The following GRIN2B variants were observed in gnomAD, a reference collection of about 807,000 sequenced individuals.
The protein encoded by GRIN2B is glutamate ionotropic receptor NMDA type subunit 2B, also known as glutamate receptor ionotropic, NMDA 2B.
GRIN2B carries 5 observed loss-of-function variants against 114.5 expected under a neutral mutation model. The ratio of observed to expected loss-of-function variants is 0.04; its 90% confidence interval spans 0.02 to 0.09. GRIN2B has a LOEUF of 0.09. GRIN2B is among the 10% of genes least tolerant of loss of function. The pLI, the probability that GRIN2B is intolerant of heterozygous loss-of-function variation, is 1.00. For synonymous variants in GRIN2B, 787 were observed against 745.1 expected (o/e 1.06, Z -0.92); for missense variants, 1,108 against 1,943.5 (o/e 0.57, Z 8.08).
chr12:13,844,193 C>A (rs1053558588), intron 3 of GRIN2B, among the ~76,000 whole-genome samples: 2 of 152,216 alleles, frequency 1.3e-5, no homozygotes, highest in Non-Finnish European at 2.9e-5. Flanking sequence ...AGGTGAGAGG[C>A]TGTAGACTTA....
At chr12:13,832,209 C>G (rs890710927) in intron 3 of GRIN2B, among the ~76,000 whole-genome samples, 1 of 152,136 alleles carries the variant, frequency 6.6e-6, no homozygotes, top group Non-Finnish European at 1.5e-5. Flanking sequence ...AAAGCATGCT[C>G]ATAAATCAAA....
intron 10 of GRIN2B, among the ~76,000 whole-genome samples, chr12:13,604,150 C>A (rs1949205555): frequency 6.6e-6 from 1 of 152,056 alleles, no homozygotes; most frequent in Non-Finnish European, 1.5e-5. Context: ...GTCACTAGCT[C>A]CCTTACACCC....
In GRIN2B at chr12:13,934,356, T is replaced by C. The variant is rs143815137; in HGVS notation, c.-19+45572A>G. Reference sequence around the variant, plus strand: ...TTAGGAAACTATTTGGAAACAGGGTTAGATACTATAGTTTACATATACATT... The same window carrying C: ...TTAGGAAACTATTTGGAAACAGGGTCAGATACTATAGTTTACATATACATT... On this transcript the variant is annotated intron_variant, in intron 2 of 13. Transcript: ENST00000609686. 4.0e-4 allele frequency among the ~76,000 whole-genome samples: 61 copies of C among 152,378 alleles called. No individual in the cohort carries two copies. The East Asian group carries it at 8.5e-3, about 21-fold the overall frequency.
chr12:13,592,085 T>C (rs1949015741), intron 10 of GRIN2B, among the ~76,000 whole-genome samples: 1 of 152,238 alleles, frequency 6.6e-6, no homozygotes, highest in African/African-American at 2.4e-5. Context: ...AAGGAGCTTA[T>C]GATTCAGTGA....
chr12:13,889,035 C>CTT (rs1033575360), intron 2 of GRIN2B, among the ~76,000 whole-genome samples: 34 of 152,288 alleles, frequency 2.2e-4, no homozygotes, highest in African/African-American at 7.9e-4. Context: ...ACTTCTGTCT[C>CTT]TTTTGTAAGA....
chr12:13,881,120 C>G (rs1055624034), intron 2 of GRIN2B, among the ~76,000 whole-genome samples: 9 of 152,186 alleles, frequency 5.9e-5, no homozygotes, highest in Non-Finnish European at 1.3e-4. Context: ...CCTACTCCAT[C>G]CTCTTTGTTC....
chr12:13,607,144 CA>C (rs1269407366), intron 10 of GRIN2B, among the ~76,000 whole-genome samples: 3 of 87,482 alleles, frequency 3.4e-5, no homozygotes, highest in African/African-American at 9.4e-5. Context: ...ACCATGCACT[CA>C]AAAAAAATAT....
chr12:13,607,787 T>C (rs939931530), intron 10 of GRIN2B, among the ~76,000 whole-genome samples: 1 of 151,538 alleles, frequency 6.6e-6, no homozygotes, highest in Non-Finnish European at 1.5e-5. Flanking sequence ...AGTAGAAAAT[T>C]TGTTGTAAGC....
chr12:13,604,695 C>T (rs569521564), intron 10 of GRIN2B, among the ~76,000 whole-genome samples: 259 of 152,234 alleles, frequency 1.7e-3, no homozygotes, highest in Middle Eastern at 6.8e-3. Flanking sequence ...CATACCCTGT[C>T]CCAATAATTT....
intron 3 of GRIN2B, among the ~76,000 whole-genome samples, chr12:13,804,352 A>G (rs220575): frequency 0.38 from 57,757 of 151,574 alleles, 11,192 homozygotes; most frequent in East Asian, 0.54. Context: ...TGTTATTCCT[A>G]AAGTTTTTAC....
chr12:13,723,614 A>T (rs1862919527), intron 4 of GRIN2B, among the ~76,000 whole-genome samples: 1 of 152,026 alleles, frequency 6.6e-6, no homozygotes, highest in Admixed American at 6.6e-5. Context: ...TTCAGTGAAG[A>T]CCCCACTGCT....
At chr12:13,712,065 C>A (rs951034946) in intron 4 of GRIN2B, among the ~76,000 whole-genome samples, 2 of 152,060 alleles carry the variant, frequency 1.3e-5, no homozygotes, top group Non-Finnish European at 2.9e-5. Flanking sequence ...ATGATGAGTT[C>A]ATGTCCTTTG....
At chr12:13,953,018 G>A (rs1867519262) in intron 2 of GRIN2B, among the ~76,000 whole-genome samples, 1 of 151,514 alleles carries the variant, frequency 6.6e-6, no homozygotes. Flanking sequence ...ATGACTTTTG[G>A]AGCCTCAGTT....
intron 10 of GRIN2B, among the ~76,000 whole-genome samples, chr12:13,605,791 C>G (rs1302098876): frequency 6.6e-6 from 1 of 152,104 alleles, no homozygotes; most frequent in African/African-American, 2.4e-5. Context: ...TACTGCGTGG[C>G]CCATGAGGGT....
At chr12:13,891,882 C>T (rs1403681254) in intron 2 of GRIN2B, among the ~76,000 whole-genome samples, 1 of 152,208 alleles carries the variant, frequency 6.6e-6, no homozygotes, top group Non-Finnish European at 1.5e-5. Flanking sequence ...TATTTACCTA[C>T]TATGTAAAAG....
chr12:13,871,746 G>A (rs564518635), intron 2 of GRIN2B, among the ~76,000 whole-genome samples: 109 of 150,406 alleles, frequency 7.2e-4, no homozygotes, highest in African/African-American at 2.5e-3. Context: ...GAGAAAATGC[G>A]AATGAAAGAG....
chr12:13,697,394 T>A (rs1565504224), intron 4 of GRIN2B, among the ~76,000 whole-genome samples: 1 of 152,218 alleles, frequency 6.6e-6, no homozygotes. Context: ...GCTGAGTCCG[T>A]ATCCCTACCC....
intron 4 of GRIN2B, among the ~76,000 whole-genome samples, chr12:13,739,661 AAT>A (rs1555130130): frequency 6.6e-6 from 1 of 152,084 alleles, no homozygotes; most frequent in African/African-American, 2.4e-5. Flanking sequence ...TCTGAAAAAA[AAT>A]AGCTGATTGC....
chr12:13,605,090 A>AGTTGTTTTTGCCAGGGGCTCT (rs1565472178), intron 10 of GRIN2B, among the ~76,000 whole-genome samples: 1 of 151,340 alleles, frequency 6.6e-6, no homozygotes, highest in African/African-American at 2.4e-5. Context: ...TTTTGTCTTA[A>AGTTGTTTTTGCCAGGGGCTCT]TGATGAACAA....
Sources: allele counts gnomAD v4.1 joint callset (sites outside exome capture counted in the v4.1 genomes callset), GRCh38; gene constraint gnomAD v4.1.1; transcripts MANE v1.5; gene names NCBI Gene and HGNC (gene_info 2026-07-23, HGNC 2026-07-21).